Variants in PRR5 observed in about 807,000 individuals in gnomAD.
PRR5 encodes proline-rich protein 5.
In PRR5, 25 loss-of-function variants were observed where a neutral mutation model predicts 30.6. The observed-to-expected ratio is 0.82, with a 90% CI of 0.60 to 1.14. The LOEUF is 1.14. PRR5 is among the 50% of genes most tolerant of loss of function. The pLI is 0.00. For synonymous variants in PRR5, 286 were observed against 247.1 expected (o/e 1.16, Z -1.48); for missense variants, 600 against 547.1 (o/e 1.10, Z -0.96).
intron 2 of PRR5, among the ~76,000 whole-genome samples, chr22:44,717,277 C>T (rs1452379579): frequency 1.3e-5 from 2 of 150,610 alleles, no homozygotes; most frequent in Non-Finnish European, 1.5e-5. Context: ...CTGCGACCTC[C>T]GCCTCCCGGG....
intron 1 of PRR5, among the ~76,000 whole-genome samples, chr22:44,669,689 C>T (rs1923311831): frequency 6.6e-6 from 1 of 152,200 alleles, no homozygotes; most frequent in Non-Finnish European, 1.5e-5. Flanking sequence ...AGATGTGGTC[C>T]CAGCGACTGG....
chr22:44,716,618 A>G (rs975798164), intron 2 of PRR5, among the ~76,000 whole-genome samples: 3 of 152,168 alleles, frequency 2.0e-5, no homozygotes, highest in African/African-American at 7.2e-5. Context: ...AGGTGAGGAG[A>G]CTGAGGCAGA....
intron 7 of PRR5, 65 bp downstream of exon 7, chr22:44,735,227 A>G (rs1922996180): frequency 6.6e-7 from 1 of 1,518,748 alleles, no homozygotes; most frequent in Non-Finnish European, 9.0e-7. Flanking sequence ...ATTGTGAACA[A>G]ATGGGCAAGC....
In PRR5 at chr22:44,684,011, A is replaced by G. The variant is rs142686877; in HGVS notation, c.-11+6771A>G. On this transcript the variant is annotated intron_variant, in intron 1 of 8. Transcript: ENST00000006251. ...ATTGGCTTTGACTGCAGCGACAGGT[A>G]GGGTGTGTCCCCCGGACTGGGTGGG... 1.0e-3 allele frequency among the ~76,000 whole-genome samples: 154 copies of G among 152,320 alleles called. 1 individual carries two copies. Among genetic ancestry groups the G allele is most frequent in the African/African-American group, 3.6e-3 (149 of 41,584 alleles).
chr22:44,702,219 C>G lies in PRR5; in HGVS notation c.-256C>G, dbSNP rs934180552. 1.9e-5 allele frequency: 21 copies of G among 1,100,708 alleles called. No individual in the cohort carries two copies. Among genetic ancestry groups the G allele is most frequent in the East Asian group, 5.1e-5 (1 of 19,518 alleles). The allele number at this position is 1,100,708 out of a possible 1,614,324, so 68.2% of individuals were successfully genotyped here. ...GTCCGCCCCCGGCCTCCGTTTGCGC[C>G]GGGTCTGTGCTGGCCGCGCGCCTGG... On this transcript the variant is annotated 5_prime_UTR_variant, in exon 1 of 8. Transcript: ENST00000336985.
At chr22:44,702,716 C>T (rs1051332823) in intron 1 of PRR5, 108 bp downstream of exon 1, 12 of 1,214,798 alleles carry the variant, frequency 9.9e-6, no homozygotes, top group East Asian at 3.3e-5. Context: ...CTGCCGAAGG[C>T]GGCGCGGCGC....
At chr22:44,707,176 CT>C (rs1178741719) in intron 1 of PRR5, among the ~76,000 whole-genome samples, 2 of 152,246 alleles carry the variant, frequency 1.3e-5, no homozygotes, top group Non-Finnish European at 2.9e-5. Flanking sequence ...TCACTCCTCC[CT>C]GGGTCTGGCC....
intron 1 of PRR5, among the ~76,000 whole-genome samples, chr22:44,703,792 A>G (rs567319669): frequency 1.3e-5 from 2 of 152,206 alleles, no homozygotes; most frequent in South Asian, 4.1e-4. Context: ...CCAAGATGGG[A>G]GGATTACTTG....
At chr22:44,724,533 G>A (rs1228641033) in intron 2 of PRR5, among the ~76,000 whole-genome samples, 1 of 152,182 alleles carries the variant, frequency 6.6e-6, no homozygotes, top group Non-Finnish European at 1.5e-5. Flanking sequence ...GTCATATCTG[G>A]GGCCTCAGCG....
chr22:44,721,353 G>A (rs1186631683), intron 2 of PRR5, among the ~76,000 whole-genome samples: 1 of 152,126 alleles, frequency 6.6e-6, no homozygotes, highest in Non-Finnish European at 1.5e-5. Flanking sequence ...GTAGTGGCCC[G>A]CAATCAGTGT....
chr22:44,702,466 C>G lies in PRR5; in HGVS notation c.-9C>G. 4 of 1,381,902 alleles carry G rather than the reference C, an allele frequency of 2.9e-6. No homozygotes were observed. The highest frequency in any genetic ancestry group is 2.5e-4 in the Middle Eastern group (1 of 3,976). The allele number at this position is 1,381,902 out of a possible 1,614,324, so 85.6% of individuals were successfully genotyped here. ...GCGCGTGGGCGCGGCGCAGGCGGCC[C>G]GGGTCACCATGAGGACTCTCCGCAG... On this transcript the variant is annotated 5_prime_UTR_variant, in exon 1 of 8. Coordinates refer to ENST00000336985, the MANE Select transcript of PRR5 (RefSeq NM_181333.4).
chr22:44,726,706 C>T (rs987943409), intron 4 of PRR5, 72 bp downstream of exon 4: 11 of 1,608,442 alleles, frequency 6.8e-6, no homozygotes, highest in African/African-American at 1.3e-5. Context: ...TGCTGGGCCT[C>T]GTGCTGGGGG....
At chr22:44,724,217 C>G (rs1314695439) in intron 2 of PRR5, among the ~76,000 whole-genome samples, 3 of 152,160 alleles carry the variant, frequency 2.0e-5, no homozygotes, top group Admixed American at 2.0e-4. Flanking sequence ...GGGTGGATCA[C>G]TTGAGGTCAG....
In PRR5 at chr22:44,695,496, C is replaced by A. The variant is rs147042086; in HGVS notation, c.-10-6996C>A. ...TGTGCAAGGTTGTGGTTTTTTAGAG[C>A]CTTTTGTGATCATTCTTGTTATCAG... On this transcript the variant is annotated intron_variant, in intron 1 of 8. Transcript: ENST00000006251. Among the ~76,000 whole-genome samples the A allele has an allele frequency of 1.6e-4, 25 of 152,204 alleles. No homozygotes were observed. The East Asian group carries it at 4.1e-3, about 25-fold the overall frequency.
intron 1 of PRR5, among the ~76,000 whole-genome samples, chr22:44,709,723 G>A (rs1430671175): frequency 6.6e-5 from 10 of 152,090 alleles, no homozygotes; most frequent in Non-Finnish European, 1.2e-4. Flanking sequence ...GTGGTGGCGC[G>A]CACCTGTAAT....
intron 2 of PRR5, among the ~76,000 whole-genome samples, chr22:44,724,537 C>A (rs1460936153): frequency 6.6e-6 from 1 of 152,184 alleles, no homozygotes; most frequent in African/African-American, 2.4e-5. Flanking sequence ...TATCTGGGGC[C>A]TCAGCGCTGA....
chr22:44,676,034 G>A (rs1923735650), upstream of PRR5, among the ~76,000 whole-genome samples: 1 of 151,738 alleles, frequency 6.6e-6, no homozygotes, highest in Non-Finnish European at 1.5e-5. Flanking sequence ...GTAGAAACTG[G>A]CTCAGATGGG....
chr22:44,713,519 C>A (rs1168918479), intron 1 of PRR5, among the ~76,000 whole-genome samples: 1 of 152,204 alleles, frequency 6.6e-6, no homozygotes, highest in Non-Finnish European at 1.5e-5. Context: ...AGGAGTGAGC[C>A]AGCGCACCTG....
upstream of PRR5, among the ~76,000 whole-genome samples, chr22:44,701,662 T>C (rs73891745): frequency 0.012 from 1,863 of 152,202 alleles, 42 homozygotes; most frequent in African/African-American, 0.042. Flanking sequence ...CAGCAAATCC[T>C]CCAGGCAGCC....
Sources: allele counts gnomAD v4.1 joint callset (sites outside exome capture counted in the v4.1 genomes callset), GRCh38; gene constraint gnomAD v4.1.1; transcripts MANE v1.5; gene names NCBI Gene and HGNC (gene_info 2026-07-23, HGNC 2026-07-21).